SPATA6: variants seen among roughly 807,000 people sequenced by gnomAD.
SPATA6 encodes spermatogenesis associated 6, also known as spermatogenesis-associated protein 6.
Under a neutral mutation model 65.3 loss-of-function variants are expected in SPATA6, and 56 were observed. That is an observed-to-expected ratio of 0.86 (90% CI 0.69 to 1.07). The LOEUF (loss-of-function observed/expected upper bound fraction) is 1.07, where lower values mean the gene tolerates loss of function less well. Among genes scored for constraint, SPATA6 ranks in the 50% least tolerant of loss-of-function variants. The pLI, the probability that SPATA6 is intolerant of heterozygous loss-of-function variation, is 0.00. For synonymous variants in SPATA6, 199 were observed against 213.2 expected (o/e 0.93, Z 0.58); for missense variants, 590 against 594.8 (o/e 0.99, Z 0.08).
At chr1:48,283,240 G>A in the SPATA6 span, among the ~76,000 whole-genome samples, 8 of 150,768 alleles carry the variant, frequency 5.3e-5, no homozygotes, top group Admixed American at 1.3e-4. Context: ...GCTAAATGAC[G>A]AGTTGATGGG....
rs1646755949 is a variant in SPATA6, at chr1:48,359,733, G to A, written c.947C>T (p.Ser316Phe). Residue 316 changes from serine to phenylalanine, a missense_variant, in exon 10 of 13, where the codon TCT (serine) becomes TTT (phenylalanine). Transcript: ENST00000371847. ...CAAATACTCTTCACATTTTTCTAAA[G>A]AGTCATCGAAGTCTCTCCCATGGGG... is the stretch of plus-strand genomic sequence containing the variant. The part of the protein sequence containing the change: ...RTPHGRDFDD[S>F]LEKCEEYLSP... 1.9e-6 allele frequency: 3 copies of A among 1,613,104 alleles called. No homozygotes were observed. The South Asian group carries it at 3.3e-5, about 18-fold the overall frequency.
intron 1 of SPATA6, among the ~76,000 whole-genome samples, chr1:48,465,340 C>A (rs1008634858): frequency 1.3e-5 from 2 of 152,032 alleles, no homozygotes; most frequent in Non-Finnish European, 2.9e-5. Flanking sequence ...ACTCTGGCCT[C>A]CAGAAATGTG....
the SPATA6 span, among the ~76,000 whole-genome samples, chr1:48,274,090 T>A: frequency 5.2e-3 from 790 of 152,286 alleles, 15 homozygotes; most frequent in East Asian, 0.058. Context: ...TCTCTAATCA[T>A]CCGTGTGATC....
intron 3 of SPATA6, among the ~76,000 whole-genome samples, chr1:48,413,456 C>CCT (rs748083014): frequency 9.9e-5 from 11 of 110,878 alleles, no homozygotes; most frequent in African/African-American, 3.8e-4. Flanking sequence ...CGCCCGGATA[C>CCT]TTTTTTTTTT....
At chr1:48,356,139 C>A (rs1326056100) in intron 10 of SPATA6, among the ~76,000 whole-genome samples, 1 of 152,048 alleles carries the variant, frequency 6.6e-6, no homozygotes, top group Non-Finnish European at 1.5e-5. Flanking sequence ...ACAATTTAAT[C>A]ATGCTCATTT....
At chr1:48,452,144 T>C (rs944217715) in intron 2 of SPATA6, among the ~76,000 whole-genome samples, 1 of 151,980 alleles carries the variant, frequency 6.6e-6, no homozygotes, top group African/African-American at 2.4e-5. Flanking sequence ...GAGGGGAGGA[T>C]TTTCCCTTGT....
At chr1:48,445,860 C>T (rs140447642) in intron 3 of SPATA6, among the ~76,000 whole-genome samples, 1,852 of 151,952 alleles carry the variant, frequency 0.012, 16 homozygotes, top group Non-Finnish European at 0.019. Flanking sequence ...AGATGTGAGG[C>T]CTGAGACCAC....
At chr1:48,307,487 A>G (rs1388034704) in intron 11 of SPATA6, among the ~76,000 whole-genome samples, 2 of 150,598 alleles carry the variant, frequency 1.3e-5, no homozygotes, top group Non-Finnish European at 3.0e-5. Context: ...ATTTTTTCAA[A>G]GGACAAGTTA....
intron 11 of SPATA6, among the ~76,000 whole-genome samples, chr1:48,312,515 A>T (rs1490757654): frequency 1.3e-5 from 2 of 152,224 alleles, no homozygotes; most frequent in African/African-American, 2.4e-5. Flanking sequence ...ACTAACAAAA[A>T]GAAAGGACAC....
intron 9 of SPATA6, among the ~76,000 whole-genome samples, chr1:48,375,950 T>C (rs1421648405): frequency 1.3e-5 from 2 of 152,220 alleles, no homozygotes; most frequent in African/African-American, 4.8e-5. Context: ...TCCTAATTGC[T>C]ATGACAAAAT....
chr1:48,370,584 A>G (rs1387345731), intron 9 of SPATA6, among the ~76,000 whole-genome samples: 1 of 152,258 alleles, frequency 6.6e-6, no homozygotes, highest in Non-Finnish European at 1.5e-5. Flanking sequence ...TAATACAATA[A>G]GAAAATAATT....
the SPATA6 span, among the ~76,000 whole-genome samples, chr1:48,270,954 C>T: frequency 6.6e-6 from 1 of 152,170 alleles, no homozygotes; most frequent in East Asian, 1.9e-4. Context: ...GACAGCTAAC[C>T]ATAGTTTCTA....
chr1:48,274,172 G>C, the SPATA6 span, among the ~76,000 whole-genome samples: 15 of 152,028 alleles, frequency 9.9e-5, no homozygotes, highest in South Asian at 2.9e-3. Context: ...CATATCCTTC[G>C]CTCACTTTTT....
At chr1:48,347,799 A>T (rs1417007653) in intron 11 of SPATA6, among the ~76,000 whole-genome samples, 1 of 151,708 alleles carries the variant, frequency 6.6e-6, no homozygotes, top group East Asian at 1.9e-4. Context: ...AGACCAAGAG[A>T]TGCCACCTGG....
intron 7 of SPATA6, among the ~76,000 whole-genome samples, chr1:48,397,422 C>T (rs571210139): frequency 1.6e-4 from 25 of 151,776 alleles, no homozygotes; most frequent in African/African-American, 4.1e-4. Context: ...CTGTTTTACT[C>T]GTCTAGGATA....
chr1:48,461,366 G>T (rs1657416381), intron 1 of SPATA6, among the ~76,000 whole-genome samples: 2 of 152,026 alleles, frequency 1.3e-5, no homozygotes, highest in Non-Finnish European at 2.9e-5. Context: ...GTCAATTTTG[G>T]CTTTTGTTGC....
chr1:48,465,023 C>A (rs1395072707), intron 1 of SPATA6, among the ~76,000 whole-genome samples: 1 of 151,966 alleles, frequency 6.6e-6, no homozygotes, highest in Non-Finnish European at 1.5e-5. Flanking sequence ...ACATGCAGTA[C>A]TAAAAAGAGC....
chr1:48,400,914 A>G (rs1651101477), intron 6 of SPATA6: 1 of 908,736 alleles, frequency 1.1e-6, no homozygotes, highest in East Asian at 8.6e-5. Flanking sequence ...GTGACATCAC[A>G]GACTTACAGA....
intron 9 of SPATA6, among the ~76,000 whole-genome samples, chr1:48,381,106 G>C (rs1001710021): frequency 1.3e-5 from 2 of 152,130 alleles, no homozygotes; most frequent in African/African-American, 4.8e-5. Context: ...CCACTGATCT[G>C]ACAGGAGGTG....
Sources: gnomAD v4.1 joint callset for allele counts (sites outside exome capture counted in the v4.1 genomes callset) on GRCh38, gnomAD v4.1.1 for gene constraint, MANE v1.5 for transcripts, NCBI Gene and HGNC (gene_info 2026-07-23, HGNC 2026-07-21) for gene names.